GALNT18: variants seen among roughly 807,000 people sequenced by gnomAD.
GALNT18 encodes the protein polypeptide N-acetylgalactosaminyltransferase 18.
Under a neutral mutation model 69.5 loss-of-function variants are expected in GALNT18, and 44 were observed. The ratio of observed to expected loss-of-function variants is 0.63; its 90% CI spans 0.50 to 0.81. The LOEUF (loss-of-function observed/expected upper bound fraction) is 0.81. GALNT18 is among the 40% of genes least tolerant of loss of function. GALNT18 has a pLI of 0.00. For missense variants in GALNT18, 715 were observed against 810.0 expected (o/e 0.88, Z 1.42); for synonymous variants, 364 against 318.2 (o/e 1.14, Z -1.53).
At chr11:11,273,635 G>A (rs915002301) in intron 10 of GALNT18, among the ~76,000 whole-genome samples, 4 of 152,110 alleles carry the variant, frequency 2.6e-5, no homozygotes, top group African/African-American at 9.7e-5. Context: ...ACAGTATGGA[G>A]GTTCCTCAAA....
At chr11:11,593,685 G>C (rs11021949) in intron 1 of GALNT18, among the ~76,000 whole-genome samples, 40,689 of 152,094 alleles carry the variant, frequency 0.27, 6,508 homozygotes, top group East Asian at 0.66. Context: ...CCCCAGTGCT[G>C]TGTGAGGCAG....
At chr11:11,434,734 G>A (rs111516135) in intron 2 of GALNT18, among the ~76,000 whole-genome samples, 2,595 of 152,144 alleles carry the variant, frequency 0.017, 68 homozygotes, top group African/African-American at 0.059. Context: ...AAGAATGAAG[G>A]GAATAGGGAG....
intron 1 of GALNT18, among the ~76,000 whole-genome samples, chr11:11,566,005 G>A (rs1013771218): frequency 1.3e-5 from 2 of 152,142 alleles, no homozygotes; most frequent in African/African-American, 2.4e-5. Flanking sequence ...GACCTTACAG[G>A]GAATTGATGA....
Position 11,619,903 on chromosome 11 carries a change from C to A in GALNT18, c.235+1456G>T, listed in dbSNP as rs1408095058. Among the ~76,000 whole-genome samples, 1 of 152,126 alleles carries A rather than the reference C, an allele frequency of 6.6e-6. No homozygotes were observed. The highest frequency in any genetic ancestry group is 1.9e-4 in the East Asian group (1 of 5,184). ...ATGTCCCTCTTTTCTGGGAAGGTGC[C>A]GAAGCCATGGGCTTGTTTTGAAGTC... On this transcript the variant is annotated intron_variant, in intron 1 of 10. Coordinates refer to ENST00000227756, the MANE Select transcript of GALNT18 (RefSeq NM_198516.3). This position sits in a 1 kb window ranked among gnomAD's most constrained non-coding sequence, Gnocchi z 4.9.
At chr11:11,410,573 T>C (rs1256026159) in intron 3 of GALNT18, among the ~76,000 whole-genome samples, 2 of 152,234 alleles carry the variant, frequency 1.3e-5, no homozygotes, top group Non-Finnish European at 2.9e-5. Context: ...ATAATTAATT[T>C]CCATTTACCA....
chr11:11,336,425 G>GT (rs1045741224), intron 7 of GALNT18, among the ~76,000 whole-genome samples: 7 of 152,186 alleles, frequency 4.6e-5, no homozygotes, highest in Non-Finnish European at 7.3e-5. Context: ...TGGAAGGAAA[G>GT]TACAGGGCAT....
In GALNT18 at chr11:11,603,540, T is replaced by A. The variant is rs1434511688; in HGVS notation, c.235+17819A>T. ...CCTCAACCATCAGAGCAACATACCC[T>A]CCCTGGAAATATGCATCTGCCTAAT... is the stretch of plus-strand genomic sequence containing the variant. On this transcript the variant is annotated intron_variant, in intron 1 of 10. Transcript: ENST00000227756. The surrounding 1 kb of genome is among the most constrained non-coding windows in gnomAD (Gnocchi z 4.5). Among the ~76,000 whole-genome samples the A allele has an allele frequency of 6.6e-6, 1 of 152,132 alleles. No individual in the cohort carries two copies. The highest frequency in any genetic ancestry group is 1.5e-5 in the Non-Finnish European group (1 of 68,010).
intron 1 of GALNT18, among the ~76,000 whole-genome samples, chr11:11,559,598 T>A (rs1387555756): frequency 2.0e-5 from 3 of 150,582 alleles, no homozygotes; most frequent in Admixed American, 6.6e-5. Context: ...TAGGATGGGA[T>A]AGGATGGGAT....
rs759568444 is a variant in GALNT18, at chr11:11,500,723, C to T, written c.236-51787G>A. Reference sequence around the variant, plus strand: ...TTTAGCACCCACAACCCCTCCTCTCCTTACTTCTCTTTATGGATAGTGAAT... The same window carrying T: ...TTTAGCACCCACAACCCCTCCTCTCTTTACTTCTCTTTATGGATAGTGAAT... On this transcript the variant is annotated intron_variant, in intron 1 of 10. Coordinates refer to ENST00000227756, the MANE Select transcript of GALNT18 (RefSeq NM_198516.3). This position sits in a 1 kb window ranked among gnomAD's most constrained non-coding sequence, Gnocchi z 5.0. Among the ~76,000 whole-genome samples the T allele has an allele frequency of 1.3e-5, 2 of 152,214 alleles. No homozygotes were observed. The highest frequency in any genetic ancestry group is 2.9e-5 in the Non-Finnish European group (2 of 68,044).
intron 1 of GALNT18, among the ~76,000 whole-genome samples, chr11:11,611,206 C>A (rs1289490399): frequency 6.6e-6 from 1 of 152,150 alleles, no homozygotes; most frequent in East Asian, 1.9e-4. Flanking sequence ...ATATGGACTC[C>A]TACTGTTTTG....
chr11:11,398,300 T>C (rs1390270259), intron 3 of GALNT18, among the ~76,000 whole-genome samples: 1 of 152,200 alleles, frequency 6.6e-6, no homozygotes, highest in Non-Finnish European at 1.5e-5. Flanking sequence ...ATTACTACCT[T>C]GGCTAGCTCT....
At chr11:11,577,828 G>C (rs1858962876) in intron 1 of GALNT18, among the ~76,000 whole-genome samples, 1 of 152,196 alleles carries the variant, frequency 6.6e-6, no homozygotes, top group Admixed American at 6.5e-5. Context: ...AGAAGACAGG[G>C]CGTGGGTGGT....
Position 11,497,779 on chromosome 11 carries a change from C to T in GALNT18, c.236-48843G>A, listed in dbSNP as rs1295533433. 6.6e-6 allele frequency among the ~76,000 whole-genome samples: 1 copy of T among 151,466 alleles called. No individual in the cohort carries two copies. Among genetic ancestry groups the T allele is most frequent in the African/African-American group, 2.4e-5 (1 of 41,306 alleles). ...ATATATATATATATACACACACACA[C>T]ACATACACACAAACCATAAACACTA... On this transcript the variant is annotated intron_variant, in intron 1 of 10. Coordinates refer to ENST00000227756, the MANE Select transcript of GALNT18 (RefSeq NM_198516.3). This position sits in a 1 kb window ranked among gnomAD's most constrained non-coding sequence, Gnocchi z 4.2.
chr11:11,275,685 T>A (rs191751939), intron 10 of GALNT18, among the ~76,000 whole-genome samples: 74 of 152,314 alleles, frequency 4.9e-4, no homozygotes, highest in African/African-American at 1.6e-3. Flanking sequence ...TTAAGTCTTT[T>A]ATCCATCTTG....
intron 3 of GALNT18, among the ~76,000 whole-genome samples, chr11:11,431,370 T>A (rs998150037): frequency 6.6e-6 from 1 of 152,080 alleles, no homozygotes; most frequent in Middle Eastern, 3.2e-3. Context: ...TAGGCGCCCG[T>A]TTTTTGGGTC....
rs1214639297 is a variant in GALNT18 at position 11,616,627 on chromosome 11, C to T, written c.235+4732G>A. ...AGTAAAAGTTCTCTTTAGAAACTCTCCATTTAATCAATTCTCCAGATTAAC... is the reference window on the plus strand; with the variant it reads ...AGTAAAAGTTCTCTTTAGAAACTCTTCATTTAATCAATTCTCCAGATTAAC... On this transcript the variant is annotated intron_variant, in intron 1 of 10. Transcript: ENST00000227756. The surrounding 1 kb of genome is among the most constrained non-coding windows in gnomAD (Gnocchi z 4.4). Among the ~76,000 whole-genome samples, 1 of 152,196 alleles carries T rather than the reference C, an allele frequency of 6.6e-6. No homozygotes were observed. The highest frequency in any genetic ancestry group is 1.5e-5 in the Non-Finnish European group (1 of 68,034).
At chr11:11,329,003 C>T (rs1849974577) in intron 8 of GALNT18, among the ~76,000 whole-genome samples, 1 of 152,110 alleles carries the variant, frequency 6.6e-6, no homozygotes. Flanking sequence ...CCCCACCATC[C>T]CTTAGGCAGG....
In GALNT18 at chr11:11,600,942, CT is replaced by C; in HGVS notation, c.235+20416del. Among the ~76,000 whole-genome samples, 1 of 151,656 alleles carries C rather than the reference CT, an allele frequency of 6.6e-6. No individual in the cohort carries two copies. Among genetic ancestry groups the C allele is most frequent in the South Asian group, 2.1e-4 (1 of 4,818 alleles). On this transcript the variant is annotated intron_variant, in intron 1 of 10. Transcript: ENST00000227756. This position sits in a 1 kb window ranked among gnomAD's most constrained non-coding sequence, Gnocchi z 4.8. ...TTTTTAAGTGCCCCAGTGATTTTTTCTTTTCATTTCTTAAACATTTCAAGTC... is the reference window on the plus strand; with the variant it reads ...TTTTTAAGTGCCCCAGTGATTTTTTCTTTCATTTCTTAAACATTTCAAGTC...
chr11:11,467,959 G>C (rs922014539), intron 1 of GALNT18, among the ~76,000 whole-genome samples: 7 of 152,118 alleles, frequency 4.6e-5, no homozygotes, highest in Non-Finnish European at 1.5e-5. Context: ...AGATTCTAGG[G>C]AAGAAGGTCT....
Sources: allele counts gnomAD v4.1 joint callset (sites outside exome capture counted in the v4.1 genomes callset), GRCh38; gene constraint gnomAD v4.1.1; non-coding constraint Gnocchi (gnomAD v3.1); transcripts MANE v1.5; gene names NCBI Gene and HGNC (gene_info 2026-07-23, HGNC 2026-07-21).